NEK10: variants seen among roughly 807,000 people sequenced by gnomAD.
The protein encoded by NEK10 is NIMA related kinase 10.
A neutral mutation model predicts 159.8 loss-of-function variants in NEK10; 122 were observed. The observed-to-expected ratio is 0.76, with a 90% CI of 0.66 to 0.89. The LOEUF (loss-of-function observed/expected upper bound fraction) is 0.89. Ranked by LOEUF, NEK10 falls within the 40% of genes least tolerant of loss-of-function variation. The pLI is 0.00. For missense variants in NEK10, 1,342 were observed against 1,323.1 expected (o/e 1.01, Z -0.22); for synonymous variants, 466 against 457.1 (o/e 1.02, Z -0.25).
intron 23 of NEK10, among the ~76,000 whole-genome samples, chr3:27,247,196 T>C (rs1955162243): frequency 6.6e-6 from 1 of 152,208 alleles, no homozygotes; most frequent in Admixed American, 6.5e-5. Context: ...ATCCCTGTCA[T>C]GTTCTAGATC....
rs59035525 is a variant in NEK10 at position 27,118,831 on chromosome 3, T to C, written c.3190+929A>G. ...AATTCTGCATACATAGGGTTTAGCT[T>C]TATCCCAGAAGACCAAAGGAAAGTT... On this transcript the variant is annotated intron_variant, in intron 33 of 35. Transcript: ENST00000691995. Among the ~76,000 whole-genome samples, 899 of 152,296 alleles carry C rather than the reference T, an allele frequency of 5.9e-3. 10 individuals carry two copies. Among genetic ancestry groups the C allele is most frequent in the African/African-American group, 0.02 (841 of 41,566 alleles).
chr3:27,132,296 G>T (rs1942716319), intron 31 of NEK10, among the ~76,000 whole-genome samples: 1 of 152,130 alleles, frequency 6.6e-6, no homozygotes, highest in East Asian at 1.9e-4. Flanking sequence ...ATTTTGTGAA[G>T]AACAGTCTTG....
At chr3:27,309,032 A>T in intron 9 of NEK10, 27 bp from the exon 10 acceptor site, 1 of 1,224,432 alleles carries the variant, frequency 8.2e-7, no homozygotes, top group Non-Finnish European at 1.2e-6. Flanking sequence ...AATAAAGTTT[A>T]ATTATATAAG....
At chr3:27,325,089 A>G (rs2045915725) in intron 5 of NEK10, among the ~76,000 whole-genome samples, 1 of 152,222 alleles carries the variant, frequency 6.6e-6, no homozygotes, top group African/African-American at 2.4e-5. Context: ...CCAACACAGC[A>G]CAGACTGAAC....
At chr3:27,226,224 T>G (rs1952627742) in intron 23 of NEK10, among the ~76,000 whole-genome samples, 1 of 151,772 alleles carries the variant, frequency 6.6e-6, no homozygotes, top group Non-Finnish European at 1.5e-5. Flanking sequence ...TTTTTGTATT[T>G]TTAGTAGAGA....
chr3:27,139,554 G>A (rs578105402), intron 31 of NEK10, among the ~76,000 whole-genome samples: 1 of 152,294 alleles, frequency 6.6e-6, no homozygotes, highest in East Asian at 1.9e-4. Flanking sequence ...TCTAAGAAGG[G>A]TAGGCCAAGA....
intron 22 of NEK10, among the ~76,000 whole-genome samples, chr3:27,275,272 C>T (rs527981334): frequency 5.3e-5 from 8 of 152,312 alleles, no homozygotes; most frequent in South Asian, 2.1e-4. Context: ...GAATGACCCA[C>T]CAAAGGTGTA....
chr3:27,361,897 CA>C (rs10542897), intron 1 of NEK10, among the ~76,000 whole-genome samples: 8,074 of 147,800 alleles, frequency 0.055, 494 homozygotes, highest in African/African-American at 0.15. Context: ...CTGGGCACTA[CA>C]AAAAAAAAAA....
chr3:27,168,190 C>T (rs1575082868), intron 29 of NEK10, among the ~76,000 whole-genome samples: 1 of 151,570 alleles, frequency 6.6e-6, no homozygotes. Flanking sequence ...TAAGGGTCCC[C>T]AAGTGGGAGA....
intron 4 of NEK10, 45 bp from the exon 5 acceptor site, chr3:27,344,415 C>A: frequency 9.5e-7 from 1 of 1,051,602 alleles, no homozygotes; most frequent in Non-Finnish European, 1.4e-6. Flanking sequence ...AGAGATCAGG[C>A]TGTCTCAAAG....
chr3:27,119,923 G>A (rs1941045161), intron 32 of NEK10, 55 bp from the exon 33 acceptor site: 4 of 1,316,476 alleles, frequency 3.0e-6, no homozygotes, highest in African/African-American at 1.5e-5. Context: ...GGAAATGGCA[G>A]GAGACCTCTG....
rs991672620 is a variant in NEK10, at chr3:27,352,530, G to A, written c.72-5C>T. ...CTTTTAAGATCTGAATAGTCCCTAG[G>A]AGAGAGAATAACACAATGTGAACCC... On this transcript the variant is annotated splice_region_variant and splice_polypyrimidine_tract_variant and intron_variant, in intron 2 of 35. Transcript: ENST00000691995. The A allele has an allele frequency of 6.2e-7, 1 of 1,602,934 alleles. No homozygotes were observed. Among genetic ancestry groups the A allele is most frequent in the Non-Finnish European group, 8.5e-7 (1 of 1,170,032 alleles).
At chr3:27,185,239 CT>C (rs1437814933) in intron 26 of NEK10, among the ~76,000 whole-genome samples, 3 of 152,192 alleles carry the variant, frequency 2.0e-5, no homozygotes, top group Non-Finnish European at 4.4e-5. Context: ...TATTTTGACT[CT>C]GGCAATATCA....
rs188234372 is a variant in NEK10 at position 27,335,941 on chromosome 3, C to A, written c.362+8331G>T. ...AGATTTTAAACAATCTAATAATACA[C>A]CTCAAGATACTAGAAAGGCAAGAAC... On this transcript the variant is annotated intron_variant, in intron 5 of 35. Coordinates refer to ENST00000691995, the MANE Select transcript of NEK10 (RefSeq NM_001394966.1). Among the ~76,000 whole-genome samples the A allele has an allele frequency of 2.7e-4, 41 of 152,074 alleles. 1 individual carries two copies. The South Asian group carries it at 3.9e-3, about 15-fold the overall frequency.
chr3:27,158,371 G>A (rs1945703196), intron 30 of NEK10, among the ~76,000 whole-genome samples: 1 of 152,160 alleles, frequency 6.6e-6, no homozygotes, highest in Admixed American at 6.5e-5. Flanking sequence ...TTGTGAAGAT[G>A]AGTTTTAAGT....
intron 35 of NEK10, among the ~76,000 whole-genome samples, chr3:27,115,283 A>C (rs1940233310): frequency 6.6e-6 from 1 of 152,186 alleles, no homozygotes; most frequent in Admixed American, 6.5e-5. Flanking sequence ...TTCTTGAATA[A>C]CTTCATAGTA....
chr3:27,155,508 TAAATAAAATA>T (rs60254232), intron 30 of NEK10, among the ~76,000 whole-genome samples: 33,981 of 134,110 alleles, frequency 0.25, 4,435 homozygotes, highest in Middle Eastern at 0.36. Flanking sequence ...CTCAAAAAAA[TAAATAAAATA>T]AAATAAAATA....
chr3:27,364,326 G>A (rs373261060), intron 1 of NEK10, among the ~76,000 whole-genome samples: 4 of 149,870 alleles, frequency 2.7e-5, no homozygotes, highest in Non-Finnish European at 4.4e-5. Flanking sequence ...AATTGCAGGC[G>A]CCCACCACCA....
At chr3:27,201,410 T>A (rs1950029329) in intron 25 of NEK10, 100 bp downstream of exon 25, 6 of 1,002,622 alleles carry the variant, frequency 6.0e-6, no homozygotes. Context: ...ATGTAGGGAC[T>A]CTTTCTCTTC....
Sources: gnomAD v4.1 joint callset for allele counts (sites outside exome capture counted in the v4.1 genomes callset) on GRCh38, gnomAD v4.1.1 for gene constraint, MANE v1.5 for transcripts, NCBI Gene and HGNC (gene_info 2026-07-23, HGNC 2026-07-21) for gene names.